AEBP2: variants seen among roughly 807,000 people sequenced by gnomAD.
AEBP2 encodes the protein AE binding protein 2.
In AEBP2, 10 loss-of-function variants were observed where a neutral mutation model predicts 50.8. The observed-to-expected ratio is 0.20, with a 90% CI of 0.12 to 0.33. The LOEUF (loss-of-function observed/expected upper bound fraction) is 0.33, where lower values mean the gene tolerates loss of function less well. Ranked by LOEUF, AEBP2 falls within the 10% of genes least tolerant of loss-of-function variation. AEBP2 has a pLI of 1.00. For synonymous variants in AEBP2, 296 were observed against 261.3 expected (o/e 1.13, Z -1.28); for missense variants, 570 against 688.0 (o/e 0.83, Z 1.92).
intron 1 of AEBP2, among the ~76,000 whole-genome samples, chr12:19,412,321 A>G (rs2095739687): frequency 6.6e-6 from 1 of 152,028 alleles, no homozygotes; most frequent in African/African-American, 2.4e-5. Flanking sequence ...TGCTATCGCC[A>G]GGCTGGAGTG....
Position 19,457,204 on chromosome 12 carries a change from C to T in AEBP2, c.672-5306C>T, listed in dbSNP as rs1592731733. 15 of 1,598,082 alleles carry T rather than the reference C, an allele frequency of 9.4e-6. No homozygotes were observed. The East Asian group carries it at 3.1e-4, about 33-fold the overall frequency. ...AACACCGACAATTAGTTGTTTCACA[C>T]CCAGTGTGTAAGCCAAAAGGGCATG... On this transcript the variant is annotated intron_variant, in intron 1 of 7. Transcript: ENST00000266508.
In AEBP2 at chr12:19,520,651, T is replaced by A. The variant is rs1949383534; in HGVS notation, c.*2534T>A. The A allele has an allele frequency of 6.6e-6, 1 of 152,188 alleles. No homozygotes were observed. The highest frequency in any genetic ancestry group is 1.5e-5 in the Non-Finnish European group (1 of 68,030). The allele number at this position is 152,188 out of a possible 1,614,324, so 9.4% of individuals were successfully genotyped here. A position where few individuals can be genotyped will look rare whatever the true frequency, so the allele number is the denominator to read the frequency against. On this transcript the variant is annotated 3_prime_UTR_variant, in exon 8 of 8. Coordinates refer to ENST00000266508, the MANE Select transcript of AEBP2 (RefSeq NM_153207.5). ...AGTCTGTTGTCCAGAATTTATGTAT[T>A]GTTCAGCATCAAGCAAACTACAGCT...
At chr12:19,450,668 AAAAAAAAAAAAAAG>A (rs567288568) in intron 1 of AEBP2, among the ~76,000 whole-genome samples, 3,288 of 40,660 alleles carry the variant, frequency 0.081, 46 homozygotes, top group Non-Finnish European at 0.14. Flanking sequence ...CATCTCTACC[AAAAAAAAAAAAAAG>A]AAAAAAAAAA....
chr12:19,451,736 G>T (rs1192681128), intron 1 of AEBP2, among the ~76,000 whole-genome samples: 2 of 151,062 alleles, frequency 1.3e-5, no homozygotes, highest in Non-Finnish European at 2.9e-5. Context: ...GGTTGCCCAG[G>T]CTGGAGTACA....
intron 3 of AEBP2, among the ~76,000 whole-genome samples, chr12:19,478,303 T>C (rs1174646400): frequency 6.6e-6 from 1 of 152,104 alleles, no homozygotes; most frequent in Non-Finnish European, 1.5e-5. Flanking sequence ...TTCAGACTTT[T>C]CTTTTTTTTT....
chr12:19,415,673 A>G (rs182403353), intron 1 of AEBP2, among the ~76,000 whole-genome samples: 4 of 148,968 alleles, frequency 2.7e-5, no homozygotes, highest in African/African-American at 9.9e-5. Context: ...ATACAATACA[A>G]TACAATACAA....
In AEBP2 at chr12:19,519,143, T is replaced by C. The variant is rs1027387421; in HGVS notation, c.*1026T>C. 1 of 152,814 alleles carries C rather than the reference T, an allele frequency of 6.5e-6. No homozygotes were observed. The highest frequency in any genetic ancestry group is 1.5e-5 in the Non-Finnish European group (1 of 68,184). 9.5% of individuals were successfully genotyped at this position (152,814 alleles called of 1,614,324 possible). ...TTTTTAACTTACAGAAATGGAAATA[T>C]GTGTAACTTGTTAGTATTGTATTAA... On this transcript the variant is annotated 3_prime_UTR_variant, in exon 8 of 8. Transcript: ENST00000266508.
chr12:19,492,975 C>CA (rs930793853), intron 3 of AEBP2, among the ~76,000 whole-genome samples: 5 of 150,894 alleles, frequency 3.3e-5, no homozygotes, highest in Admixed American at 2.6e-4. Flanking sequence ...GACCCTGTCT[C>CA]AAAAAAAACA....
At chr12:19,456,703 T>G in intron 1 of AEBP2, 1 of 1,582,278 alleles carries the variant, frequency 6.3e-7, no homozygotes, top group East Asian at 2.2e-5. Flanking sequence ...TTCTTGACAT[T>G]GAAGCCCACA....
At chr12:19,508,749 A>G (rs1397844496) in intron 5 of AEBP2, among the ~76,000 whole-genome samples, 2 of 152,170 alleles carry the variant, frequency 1.3e-5, no homozygotes, top group African/African-American at 4.8e-5. Flanking sequence ...AAAACCAACT[A>G]CAGCAAAAAA....
chr12:19,479,328 G>A (rs1948693228), intron 3 of AEBP2, among the ~76,000 whole-genome samples: 1 of 152,184 alleles, frequency 6.6e-6, no homozygotes, highest in Non-Finnish European at 1.5e-5. Flanking sequence ...GTCTAATGCT[G>A]TCAGTGGAGT....
At chr12:19,422,938 G>C (rs1200155228) in intron 1 of AEBP2, among the ~76,000 whole-genome samples, 4 of 150,864 alleles carry the variant, frequency 2.7e-5, no homozygotes, top group Non-Finnish European at 5.9e-5. Flanking sequence ...GGTGGTGCAT[G>C]CCTGTAATCC....
chr12:19,498,972 G>A (rs966835938), intron 4 of AEBP2, among the ~76,000 whole-genome samples: 6 of 152,068 alleles, frequency 3.9e-5, no homozygotes, highest in African/African-American at 1.2e-4. Context: ...CCATGATCAC[G>A]CCACTGGACT....
At chr12:19,480,517 A>C (rs1051919229) in intron 3 of AEBP2, among the ~76,000 whole-genome samples, 9 of 152,226 alleles carry the variant, frequency 5.9e-5, no homozygotes, top group African/African-American at 1.9e-4. Context: ...CCTTTGTCTG[A>C]AAAAGACTTG....
intron 5 of AEBP2, among the ~76,000 whole-genome samples, chr12:19,503,099 T>G (rs1040923335): frequency 6.6e-6 from 1 of 152,204 alleles, no homozygotes; most frequent in African/African-American, 2.4e-5. Context: ...CATGTGAATT[T>G]TAGAATACTT....
chr12:19,432,974 T>C (rs1399723287), intron 1 of AEBP2, among the ~76,000 whole-genome samples: 2 of 152,222 alleles, frequency 1.3e-5, no homozygotes, highest in Non-Finnish European at 2.9e-5. Context: ...ATAGCCCTTA[T>C]GCAATAGTGT....
intron 1 of AEBP2, among the ~76,000 whole-genome samples, chr12:19,430,527 C>T (rs1389555641): frequency 6.6e-6 from 1 of 152,078 alleles, no homozygotes; most frequent in Non-Finnish European, 1.5e-5. Flanking sequence ...TCATTGGTAG[C>T]TTGACGGGGA....
intron 1 of AEBP2, chr12:19,413,389 A>G (rs2095740501): frequency 2.9e-6 from 3 of 1,037,582 alleles, no homozygotes; most frequent in South Asian, 2.5e-5. Context: ...AAGCCAACAA[A>G]CAGAAAAGAC....
At chr12:19,460,132 C>T (rs897252641) in intron 1 of AEBP2, among the ~76,000 whole-genome samples, 2 of 152,096 alleles carry the variant, frequency 1.3e-5, no homozygotes, top group African/African-American at 4.8e-5. Context: ...TCACTTGAGC[C>T]TGGTAGGTCA....
Sources: allele counts gnomAD v4.1 joint callset (sites outside exome capture counted in the v4.1 genomes callset), GRCh38; gene constraint gnomAD v4.1.1; transcripts MANE v1.5; gene names NCBI Gene and HGNC (gene_info 2026-07-23, HGNC 2026-07-21).